The following CDC42BPB variants were observed in gnomAD, a reference collection of about 807,000 sequenced individuals.
The protein encoded by CDC42BPB is CDC42 binding protein kinase beta.
Under a neutral mutation model 214.9 loss-of-function variants are expected in CDC42BPB, and 37 were observed. The observed-to-expected ratio is 0.17, with a 90% CI of 0.13 to 0.23. CDC42BPB has a LOEUF of 0.23. Among genes scored for constraint, CDC42BPB ranks in the 10% least tolerant of loss-of-function variants. The pLI is 1.00. For synonymous variants in CDC42BPB, 931 were observed against 884.0 expected, an observed-to-expected ratio of 1.05 and a Z score of -0.94; for missense variants, 1,694 against 2,227.0, an observed-to-expected ratio of 0.76 and a Z score of 4.82.
intron 7 of CDC42BPB, 26 bp downstream of exon 7, chr14:102,983,526 CAAAA>C (rs36061149): frequency 1.7e-5 from 25 of 1,511,694 alleles, no homozygotes; most frequent in Admixed American, 9.3e-5. Flanking sequence ...AGCCAGGTAC[CAAAA>C]AAAAAAAAAA....
rs1456801087 is a variant in CDC42BPB, at chr14:102,941,359, TCA to T, written c.4409-1037_4409-1036del. On this transcript the variant is annotated intron_variant, in intron 30 of 36. Transcript: ENST00000361246. The stretch of plus-strand genomic sequence containing the variant: ...TTAAAAGCCTTCTGCTCTGTTTCTA[TCA>T]CAGACTCCAAACAGGCTACAAGATC... The T allele has an allele frequency of 2.7e-5, 27 of 985,336 alleles. No individual in the cohort carries two copies. In the African/African-American group the frequency reaches 4.7e-4, roughly 17 times the overall value. 61.0% of individuals were successfully genotyped at this position (985,336 alleles called of 1,614,324 possible).
At position 102,999,666 on chromosome 14, in the gene CDC42BPB, G is replaced by A. The variant is rs530983613; in HGVS notation, c.495C>T (p.Leu165=). The A allele has an allele frequency of 2.0e-5, 32 of 1,614,168 alleles. No individual in the cohort carries two copies. The highest frequency in any genetic ancestry group is 2.5e-5 in the Non-Finnish European group (30 of 1,180,026). Reference sequence around the variant, plus strand: ...CCGGAAGCTTGTCTTCAAATTTGCTGAGCAGGGTCAGTAAATCACCACCCA... The same window carrying A: ...CCGGAAGCTTGTCTTCAAATTTGCTAAGCAGGGTCAGTAAATCACCACCCA... ...YYVGGDLLTL[L]SKFEDKLPED... is the part of the protein sequence containing the mutation. Residue 165 remains leucine (L), a synonymous_variant, in exon 5 of 37, where the codon CTC becomes CTT. Coordinates refer to ENST00000361246, the MANE Select transcript of CDC42BPB (RefSeq NM_006035.4).
At position 102,968,851 on chromosome 14, in the gene CDC42BPB, C is replaced by T. The variant is rs548468394; in HGVS notation, c.1996-135G>A. The T allele has an allele frequency of 6.2e-5, 93 of 1,489,174 alleles. No homozygotes were observed. The South Asian group carries it at 8.4e-4, about 13-fold the overall frequency. The allele number at this position is 1,489,174 out of a possible 1,614,324, so 92.2% of individuals were successfully genotyped here. A position where few individuals can be genotyped will look rare whatever the true frequency, so the allele number is the denominator to read the frequency against. On this transcript the variant is annotated intron_variant, in intron 14 of 36. Coordinates refer to ENST00000361246, the MANE Select transcript of CDC42BPB (RefSeq NM_006035.4). ...TGTGTGCCTGGTCTACACCAGATGA[C>T]GTAGCTGACCTGGCTAACGTGATCC...
At chr14:103,046,192 A>G (rs747057929) in intron 1 of CDC42BPB, among the ~76,000 whole-genome samples, 2 of 151,900 alleles carry the variant, frequency 1.3e-5, no homozygotes, top group Non-Finnish European at 2.9e-5. Flanking sequence ...CCACCTTCCC[A>G]GAAACTGACA....
chr14:102,982,615 A>G (rs1429695125), intron 7 of CDC42BPB, among the ~76,000 whole-genome samples: 1 of 152,172 alleles, frequency 6.6e-6, no homozygotes, highest in Non-Finnish European at 1.5e-5. Flanking sequence ...CTACTAATAC[A>G]AAAAAATTAG....
chr14:103,038,727 GC>G (rs1231758791), intron 1 of CDC42BPB, among the ~76,000 whole-genome samples: 6 of 87,412 alleles, frequency 6.9e-5, no homozygotes, highest in African/African-American at 1.9e-4. Context: ...GGGGGGGGGG[GC>G]GGGTCTCATT....
At chr14:102,973,861 G>A (rs968769900) in intron 12 of CDC42BPB, among the ~76,000 whole-genome samples, 155 bp downstream of exon 12, 1 of 152,220 alleles carries the variant, frequency 6.6e-6, no homozygotes, top group Non-Finnish European at 1.5e-5. Context: ...CGTGGCAGGG[G>A]CCCCGGGGCC....
In CDC42BPB at chr14:102,946,704, AGAG is replaced by A. The variant is rs756147523; in HGVS notation, c.3532-23_3532-21del. On this transcript the variant is annotated intron_variant, in intron 27 of 36. Coordinates refer to ENST00000361246, the MANE Select transcript of CDC42BPB (RefSeq NM_006035.4). ...CGTCACCTTCATGACAGGAAACAGA[AGAG>A]AAGAGAGAAGTCATCAAACGCCAAA... is the stretch of plus-strand genomic sequence containing the variant. The A allele has an allele frequency of 2.0e-5, 33 of 1,610,590 alleles. No homozygotes were observed. In the East Asian group the frequency reaches 7.4e-4, roughly 36 times the overall value.
intron 30 of CDC42BPB, chr14:102,941,032 C>A: frequency 8.5e-6 from 7 of 824,482 alleles, no homozygotes; most frequent in Non-Finnish European, 1.0e-5. Context: ...AAGCCTTTGG[C>A]CATTTGGAGT....
chr14:103,042,718 A>G (rs1031489797), intron 1 of CDC42BPB, among the ~76,000 whole-genome samples: 1 of 152,206 alleles, frequency 6.6e-6, no homozygotes, highest in South Asian at 2.1e-4. Context: ...AACATCCGCT[A>G]TTAGGGAAAA....
At chr14:103,053,556 T>G (rs542514725) in intron 1 of CDC42BPB, among the ~76,000 whole-genome samples, 1 of 151,432 alleles carries the variant, frequency 6.6e-6, no homozygotes, top group Admixed American at 6.6e-5. Flanking sequence ...GGTCTGGAGA[T>G]CGAGACCATC....
At chr14:102,970,816 T>C (rs1893440648) in intron 13 of CDC42BPB, among the ~76,000 whole-genome samples, 1 of 152,188 alleles carries the variant, frequency 6.6e-6, no homozygotes, top group African/African-American at 2.4e-5. Flanking sequence ...ACTACAAATA[T>C]ATTTGGGTTG....
At chr14:102,978,420 A>C in intron 8 of CDC42BPB, 25 of 733,870 alleles carry the variant, frequency 3.4e-5, no homozygotes, top group South Asian at 1.2e-4. Context: ...AATAAAGCTC[A>C]CAGGAGACAC....
chr14:103,054,305 G>T (rs192933616), intron 1 of CDC42BPB, among the ~76,000 whole-genome samples: 4 of 152,276 alleles, frequency 2.6e-5, no homozygotes, highest in African/African-American at 9.6e-5. Context: ...ATTGTCATTA[G>T]ATACCTGGCA....
At position 102,968,632 on chromosome 14, in the gene CDC42BPB, C is replaced by G; in HGVS notation, c.2080G>C (p.Val694Leu). ...SKIKSELEKK[V>L]LFYEEELVRR... ...ACCAATTCCTCTTCATAAAATAAGACTTTCTTCTCCAGCTCGGATTTGATT... is the reference window on the plus strand; with the variant it reads ...ACCAATTCCTCTTCATAAAATAAGAGTTTCTTCTCCAGCTCGGATTTGATT... The change falls in exon 15 of 37, where the codon GTC (valine) becomes CTC (leucine). Residue 694 changes from valine (V) to leucine (L), a missense_variant. Val to Leu is a conservative substitution (Grantham distance 32, BLOSUM62 1). Transcript: ENST00000361246. 3.7e-6 allele frequency: 6 copies of G among 1,614,240 alleles called. No homozygotes were observed. Among genetic ancestry groups the G allele is most frequent in the Non-Finnish European group, 5.1e-6 (6 of 1,180,050 alleles).
At chr14:102,957,763 G>C (rs1182542180) in intron 21 of CDC42BPB, among the ~76,000 whole-genome samples, 1 of 152,192 alleles carries the variant, frequency 6.6e-6, no homozygotes, top group African/African-American at 2.4e-5. Context: ...CCCAAGGGAG[G>C]CTGCTACGGG....
At position 102,975,945 on chromosome 14, in the gene CDC42BPB, G is replaced by A. The variant is rs1893721853; in HGVS notation, c.1325C>T (p.Ala442Val). Reference protein sequence around the residue: ...RDLEHSLQMEAYERRIRRLEQ... With the variant: ...RDLEHSLQMEVYERRIRRLEQ... ...CAGCCTCCGAATCCTCCTCTCGTAA[G>A]CTTCCATCTGCAGGCTGTGCTCCAG... The change falls in exon 10 of 37, where the codon GCT becomes GTT. Residue 442 changes from alanine to valine, a missense_variant. This residue lies in a region of CDC42BPB where 462 missense variants were observed against 513.5 expected (regional missense o/e 0.90). Coordinates refer to ENST00000361246, the MANE Select transcript of CDC42BPB (RefSeq NM_006035.4). 3 of 1,614,196 alleles carry A rather than the reference G, an allele frequency of 1.9e-6. No homozygotes were observed.
rs896070009 is a variant in CDC42BPB at position 103,057,398 on chromosome 14, C to T, written c.-225G>A. ...GCCCCGCGGGTCCATGGGCCGCTCT[C>T]CTCCCCTCGGCGCCGCCGCCCTCCC... On this transcript the variant is annotated 5_prime_UTR_variant, in exon 1 of 37. Coordinates refer to ENST00000361246, the MANE Select transcript of CDC42BPB (RefSeq NM_006035.4). 142 of 860,972 alleles carry T rather than the reference C, an allele frequency of 1.6e-4. No homozygotes were observed. The Middle Eastern group carries it at 5.3e-3, about 32-fold the overall frequency. The allele number at this position is 860,972 out of a possible 1,614,324, so 53.3% of individuals were successfully genotyped here.
At chr14:103,013,667 T>C (rs1337431714) in intron 1 of CDC42BPB, among the ~76,000 whole-genome samples, 2 of 152,180 alleles carry the variant, frequency 1.3e-5, no homozygotes, top group Non-Finnish European at 2.9e-5. Context: ...CAAGTGGGGA[T>C]GGAGGCAGAG....
Sources: allele counts gnomAD v4.1 joint callset (sites outside exome capture counted in the v4.1 genomes callset), GRCh38; gene constraint gnomAD v4.1.1; regional missense constraint gnomAD v4.1.1; transcripts MANE v1.5; gene names NCBI Gene and HGNC (gene_info 2026-07-23, HGNC 2026-07-21).